A1CF: variants seen among roughly 807,000 people sequenced by gnomAD.
A1CF encodes APOBEC-1 stimulating protein.
In A1CF, 48 loss-of-function variants were observed where a neutral mutation model predicts 68.9. The observed-to-expected ratio is 0.70, with a 90% CI of 0.55 to 0.89. The LOEUF (loss-of-function observed/expected upper bound fraction) is 0.89. Among genes scored for constraint, A1CF ranks in the 40% least tolerant of loss-of-function variants. The probability of loss-of-function intolerance (pLI) is 0.00; values close to 1 mark genes in which losing one functional copy is unlikely to be tolerated. For synonymous variants in A1CF, 272 were observed against 260.4 expected, an observed-to-expected ratio of 1.04 and a Z score of -0.43; for missense variants, 653 against 718.9, an observed-to-expected ratio of 0.91 and a Z score of 1.05.
At chr10:50,885,359 A>T (rs1841957732) in intron 1 of A1CF, among the ~76,000 whole-genome samples, 1 of 152,224 alleles carries the variant, frequency 6.6e-6, no homozygotes, top group Non-Finnish European at 1.5e-5. Context: ...ACAGAAATTT[A>T]TTAAATCCTG....
At chr10:50,880,737 T>C (rs1841730780) in intron 1 of A1CF, among the ~76,000 whole-genome samples, 1 of 152,216 alleles carries the variant, frequency 6.6e-6, no homozygotes, top group Admixed American at 6.5e-5. Context: ...GTAGAAGAGC[T>C]GGATAGAATA....
chr10:50,880,239 T>C (rs1841706628), intron 1 of A1CF, among the ~76,000 whole-genome samples: 1 of 152,166 alleles, frequency 6.6e-6, no homozygotes, highest in Admixed American at 6.5e-5. Context: ...TGTGCCAGAC[T>C]GCCCGGACTC....
chr10:50,865,884 C>G (rs757041619), intron 1 of A1CF, among the ~76,000 whole-genome samples: 8 of 152,206 alleles, frequency 5.3e-5, no homozygotes. Flanking sequence ...GCTTACATGT[C>G]TAACTTTTTC....
chr10:50,839,156 C>A (rs116916149), intron 5 of A1CF, among the ~76,000 whole-genome samples: 3,913 of 152,130 alleles, frequency 0.026, 67 homozygotes, highest in Non-Finnish European at 0.039. Flanking sequence ...TATCAGTGGC[C>A]GTAGTGGATT....
rs770990789 is a variant in A1CF at position 50,864,187 on chromosome 10, T to C, written c.-93-107A>G. The C allele has an allele frequency of 3.3e-5, 5 of 152,128 alleles. No individual in the cohort carries two copies. The East Asian group carries it at 5.8e-4, about 18-fold the overall frequency. The allele number at this position is 152,128 out of a possible 1,614,324, so 9.4% of individuals were successfully genotyped here. ...GAAAGAATCATATATTCACATACTG[T>C]CTCTAAGCATCAATTTCCTCATTTG... On this transcript the variant is annotated intron_variant, in intron 1 of 12. Coordinates refer to ENST00000373997, the MANE Select transcript of A1CF (RefSeq NM_014576.4).
intron 4 of A1CF, 131 bp downstream of exon 4, chr10:50,843,857 C>T: frequency 8.8e-7 from 1 of 1,135,248 alleles, no homozygotes; most frequent in Non-Finnish European, 1.3e-6. Flanking sequence ...GAAACTTTGT[C>T]TATAATTGAG....
At chr10:50,835,043 A>C (rs1839423500) in intron 6 of A1CF, among the ~76,000 whole-genome samples, 1 of 152,190 alleles carries the variant, frequency 6.6e-6, no homozygotes, top group Admixed American at 6.6e-5. Context: ...GACTTGACCA[A>C]ATGCTGGCCA....
intron 7 of A1CF, among the ~76,000 whole-genome samples, chr10:50,824,748 A>T (rs989982927): frequency 1.3e-5 from 2 of 152,176 alleles, no homozygotes; most frequent in Admixed American, 6.6e-5. Flanking sequence ...CATGCCCTTT[A>T]CCAGACCTGA....
At chr10:50,852,259 C>T (rs901213795) in intron 3 of A1CF, among the ~76,000 whole-genome samples, 22 of 152,154 alleles carry the variant, frequency 1.4e-4, no homozygotes, top group Admixed American at 9.8e-4. Flanking sequence ...TGAGGCTATT[C>T]GAGGAGAAAT....
chr10:50,868,038 G>A (rs12247876), intron 1 of A1CF, among the ~76,000 whole-genome samples: 1,633 of 152,240 alleles, frequency 0.011, 37 homozygotes, highest in African/African-American at 0.037. Flanking sequence ...GGTGCTCCAC[G>A]TGCATTTCAA....
At chr10:50,817,514 G>C (rs1838427806) in intron 8 of A1CF, among the ~76,000 whole-genome samples, 1 of 152,180 alleles carries the variant, frequency 6.6e-6, no homozygotes, top group African/African-American at 2.4e-5. Context: ...TGTCAAATAA[G>C]TTAGATGGAA....
rs1837600166 is a variant in A1CF at position 50,801,533 on chromosome 10, G to A, written c.*5196C>T. ...CAGGACTGTCCTGGAAAACCAGAATGTATTGTCACCTCAGAGAGACATTGG... is the reference window on the plus strand; with the variant it reads ...CAGGACTGTCCTGGAAAACCAGAATATATTGTCACCTCAGAGAGACATTGG... On this transcript the variant is annotated 3_prime_UTR_variant, in exon 13 of 13. Transcript: ENST00000373997. 6.6e-6 allele frequency: 1 copy of A among 152,166 alleles called. No homozygotes were observed. The highest frequency in any genetic ancestry group is 6.5e-5 in the Admixed American group (1 of 15,274). The allele number at this position is 152,166 out of a possible 1,614,324, so 9.4% of individuals were successfully genotyped here.
At chr10:50,878,625 A>T (rs1044259739) in intron 1 of A1CF, among the ~76,000 whole-genome samples, 1 of 152,198 alleles carries the variant, frequency 6.6e-6, no homozygotes, top group Non-Finnish European at 1.5e-5. Flanking sequence ...AATCCTTTGC[A>T]ATTCTGAGTT....
intron 3 of A1CF, among the ~76,000 whole-genome samples, chr10:50,852,467 G>A (rs1446772651): frequency 2.0e-5 from 3 of 152,088 alleles, no homozygotes; most frequent in Non-Finnish European, 4.4e-5. Context: ...AAATAAAGTT[G>A]GCCTGTGGGT....
At position 50,805,969 on chromosome 10, in the gene A1CF, C is replaced by T. The variant is rs1449482141; in HGVS notation, c.*760G>A. 2.6e-5 allele frequency: 4 copies of T among 152,150 alleles called. No homozygotes were observed. The highest frequency in any genetic ancestry group is 4.4e-5 in the Non-Finnish European group (3 of 68,024). 9.4% of individuals were successfully genotyped at this position (152,150 alleles called of 1,614,324 possible). On this transcript the variant is annotated 3_prime_UTR_variant, in exon 13 of 13. Coordinates refer to ENST00000373997, the MANE Select transcript of A1CF (RefSeq NM_014576.4). ...TTAAAGTAGAAAAGGTCATTTCATGCTGGCATGATTATTGGAAAAGGTAGG... is the reference window on the plus strand; with the variant it reads ...TTAAAGTAGAAAAGGTCATTTCATGTTGGCATGATTATTGGAAAAGGTAGG...
chr10:50,822,657 C>T (rs1247911830), intron 7 of A1CF: 1 of 152,122 alleles, frequency 6.6e-6, no homozygotes. Flanking sequence ...ATTATCTGGC[C>T]AGGCTAAGGA....
chr10:50,885,545 G>A (rs988761847), intron 1 of A1CF, 36 bp downstream of exon 1: 2 of 152,200 alleles, frequency 1.3e-5, no homozygotes, highest in African/African-American at 2.4e-5. Context: ...GTTTCACAGA[G>A]TTGAAATAGA....
intron 1 of A1CF, among the ~76,000 whole-genome samples, chr10:50,865,336 G>A (rs1237932450): frequency 1.3e-5 from 2 of 151,982 alleles, no homozygotes; most frequent in Non-Finnish European, 2.9e-5. Flanking sequence ...ATACAATTAG[G>A]ATGATGATAA....
At chr10:50,814,542 A>G (rs1044320592) in intron 9 of A1CF, among the ~76,000 whole-genome samples, 1 of 152,216 alleles carries the variant, frequency 6.6e-6, no homozygotes, top group African/African-American at 2.4e-5. Flanking sequence ...TAAAACAAAC[A>G]TTTAGAAAGC....
Sources: gnomAD v4.1 joint callset for allele counts (sites outside exome capture counted in the v4.1 genomes callset) on GRCh38, gnomAD v4.1.1 for gene constraint, MANE v1.5 for transcripts, NCBI Gene and HGNC (gene_info 2026-07-23, HGNC 2026-07-21) for gene names.